The following EPHA6 variants were observed in gnomAD, a reference collection of about 807,000 sequenced individuals.
EPHA6 encodes ephrin type-A receptor 6.
Under a neutral mutation model 112.0 loss-of-function variants are expected in EPHA6, and 50 were observed. The ratio of observed to expected loss-of-function variants is 0.45; its 90% CI spans 0.36 to 0.56. The LOEUF is 0.56. Among genes scored for constraint, EPHA6 ranks in the 20% least tolerant of loss-of-function variants. EPHA6 has a pLI of 0.00. For synonymous variants in EPHA6, 529 were observed against 490.7 expected, an observed-to-expected ratio of 1.08 and a Z score of -1.03; for missense variants, 1,280 against 1,417.4, an observed-to-expected ratio of 0.90 and a Z score of 1.56.
intron 5 of EPHA6, among the ~76,000 whole-genome samples, chr3:97,314,876 C>T (rs934270267): frequency 6.6e-6 from 1 of 151,654 alleles, no homozygotes; most frequent in African/African-American, 2.4e-5. Context: ...TATGCCAAGT[C>T]TTCAAATCAC....
chr3:96,831,183 G>T (rs1431850431), intron 1 of EPHA6, among the ~76,000 whole-genome samples: 1 of 151,796 alleles, frequency 6.6e-6, no homozygotes, highest in East Asian at 1.9e-4. Flanking sequence ...ATTTTTGTGG[G>T]TATAAAACCA....
intron 5 of EPHA6, among the ~76,000 whole-genome samples, chr3:97,391,541 A>G (rs2086397272): frequency 6.6e-6 from 1 of 151,926 alleles, no homozygotes; most frequent in Non-Finnish European, 1.5e-5. Flanking sequence ...AGTGTATATT[A>G]AGTTATTCAA....
At chr3:97,666,404 G>A (rs1436641256) in intron 14 of EPHA6, among the ~76,000 whole-genome samples, 1 of 152,194 alleles carries the variant, frequency 6.6e-6, no homozygotes, top group Non-Finnish European at 1.5e-5. Flanking sequence ...CTAGAAGTCT[G>A]AGATCAAGGC....
intron 3 of EPHA6, among the ~76,000 whole-genome samples, chr3:97,069,555 A>C (rs1365023838): frequency 6.6e-6 from 1 of 152,156 alleles, no homozygotes; most frequent in Non-Finnish European, 1.5e-5. Flanking sequence ...TACTTCTAGA[A>C]ATTTTACAAC....
At chr3:96,953,574 A>G (rs1292097259) in intron 2 of EPHA6, among the ~76,000 whole-genome samples, 3 of 152,114 alleles carry the variant, frequency 2.0e-5, no homozygotes, top group African/African-American at 7.2e-5. Context: ...TTTTAAACAA[A>G]AGCCAATTCT....
intron 15 of EPHA6, among the ~76,000 whole-genome samples, chr3:97,731,597 C>G (rs372496769): frequency 2.0e-5 from 3 of 152,148 alleles, no homozygotes; most frequent in South Asian, 2.1e-4. Context: ...AAACTACTTG[C>G]TATGTGATAT....
At chr3:97,351,347 A>G (rs896701557) in intron 5 of EPHA6, among the ~76,000 whole-genome samples, 1 of 152,254 alleles carries the variant, frequency 6.6e-6, no homozygotes, top group African/African-American at 2.4e-5. Flanking sequence ...ACATGTCATC[A>G]GATAAATCCT....
chr3:96,868,902 A>G lies in EPHA6; in HGVS notation c.450+2013A>G, dbSNP rs191638018. 1.1e-4 allele frequency among the ~76,000 whole-genome samples: 16 copies of G among 152,070 alleles called. No homozygotes were observed. In the East Asian group the frequency reaches 3.1e-3, roughly 30 times the overall value. ...CTAGTAATATCATGCTGATATAGTTACAGAATTAGGCATTCAGAGTGTGCC... is the reference window on the plus strand; with the variant it reads ...CTAGTAATATCATGCTGATATAGTTGCAGAATTAGGCATTCAGAGTGTGCC... On this transcript the variant is annotated intron_variant, in intron 2 of 17. Transcript: ENST00000389672.
intron 5 of EPHA6, among the ~76,000 whole-genome samples, chr3:97,248,894 G>A (rs2079056295): frequency 6.6e-6 from 1 of 152,108 alleles, no homozygotes; most frequent in Non-Finnish European, 1.5e-5. Flanking sequence ...TGTTGCTGGA[G>A]TAAGTAATTA....
chr3:97,578,929 T>C (rs1218277200), intron 11 of EPHA6, among the ~76,000 whole-genome samples: 1 of 152,218 alleles, frequency 6.6e-6, no homozygotes, highest in Non-Finnish European at 1.5e-5. Flanking sequence ...ATGCTTGCCC[T>C]TATGCAACCA....
At chr3:96,833,116 C>A (rs1025743195) in intron 1 of EPHA6, among the ~76,000 whole-genome samples, 5 of 150,422 alleles carry the variant, frequency 3.3e-5, no homozygotes, top group Non-Finnish European at 7.4e-5. Flanking sequence ...CAGAATGTGA[C>A]CTTCTTTGTA....
At chr3:96,854,908 G>A (rs1233100897) in intron 1 of EPHA6, among the ~76,000 whole-genome samples, 1 of 152,144 alleles carries the variant, frequency 6.6e-6, no homozygotes, top group Non-Finnish European at 1.5e-5. Flanking sequence ...CATATTCAGT[G>A]GTTTAAATAA....
At chr3:97,740,955 A>G (rs1370433184) in intron 16 of EPHA6, among the ~76,000 whole-genome samples, 1 of 152,136 alleles carries the variant, frequency 6.6e-6, no homozygotes. Flanking sequence ...CTGGCTGGCC[A>G]AAACCAGTGT....
chr3:97,008,314 T>G (rs1046297968), intron 3 of EPHA6, among the ~76,000 whole-genome samples: 3 of 152,170 alleles, frequency 2.0e-5, no homozygotes, highest in Admixed American at 6.5e-5. Context: ...TTTTCATTCT[T>G]TTTTCTCTAT....
intron 14 of EPHA6, among the ~76,000 whole-genome samples, chr3:97,692,154 T>A (rs899806955): frequency 1.3e-5 from 2 of 152,190 alleles, no homozygotes; most frequent in Non-Finnish European, 2.9e-5. Flanking sequence ...ATTTTCAGTA[T>A]CTCTTTTGTT....
chr3:97,698,177 T>G (rs1468847851), intron 14 of EPHA6, among the ~76,000 whole-genome samples: 1 of 152,144 alleles, frequency 6.6e-6, no homozygotes, highest in African/African-American at 2.4e-5. Flanking sequence ...TAATTTTGTA[T>G]TTTTAGTAGT....
chr3:97,171,404 A>T (rs2076696499), intron 3 of EPHA6, among the ~76,000 whole-genome samples: 1 of 152,076 alleles, frequency 6.6e-6, no homozygotes, highest in African/African-American at 2.4e-5. Context: ...GGTAGAATCT[A>T]GGGGGGAGGA....
At chr3:97,287,359 T>TA (rs969516076) in intron 5 of EPHA6, among the ~76,000 whole-genome samples, 36 of 151,580 alleles carry the variant, frequency 2.4e-4, no homozygotes, top group South Asian at 8.3e-4. Context: ...CTCTTCATGA[T>TA]AAAAAAAACT....
At chr3:97,663,126 G>T (rs2094180827) in intron 14 of EPHA6, among the ~76,000 whole-genome samples, 1 of 152,154 alleles carries the variant, frequency 6.6e-6, no homozygotes. Flanking sequence ...TAACTTCAGT[G>T]TAGGAAGTAT....
Sources: gnomAD v4.1 joint callset for allele counts (sites outside exome capture counted in the v4.1 genomes callset) on GRCh38, gnomAD v4.1.1 for gene constraint, MANE v1.5 for transcripts, NCBI Gene and HGNC (gene_info 2026-07-23, HGNC 2026-07-21) for gene names.